ZNF827: variants seen among roughly 807,000 people sequenced by gnomAD.
ZNF827 encodes the protein zinc finger protein 827.
In ZNF827, 13 loss-of-function variants were observed where a neutral mutation model predicts 102.4. The observed-to-expected ratio is 0.13, with a 90% CI of 0.08 to 0.20. The LOEUF is 0.20. Among genes scored for constraint, ZNF827 ranks in the 10% least tolerant of loss-of-function variants. The pLI, the probability that ZNF827 is intolerant of heterozygous loss-of-function variation, is 1.00. For missense variants in ZNF827, 1,103 were observed against 1,344.4 expected (o/e 0.82, Z 2.81); for synonymous variants, 523 against 536.2 (o/e 0.98, Z 0.34).
chr4:145,892,108 A>T, intron 3 of ZNF827, 135 bp downstream of exon 3: 1 of 750,572 alleles, frequency 1.3e-6, no homozygotes, highest in Non-Finnish European at 2.0e-6. Context: ...CTACCTTGCT[A>T]CGTGGAGTAC....
intron 8 of ZNF827, among the ~76,000 whole-genome samples, chr4:145,811,901 T>G (rs1435974816): frequency 6.6e-6 from 1 of 151,686 alleles, no homozygotes; most frequent in Non-Finnish European, 1.5e-5. Flanking sequence ...AAAAAAATTC[T>G]ACTTGAACTA....
chr4:145,789,184 C>T (rs1285043807), intron 8 of ZNF827, among the ~76,000 whole-genome samples: 2 of 152,002 alleles, frequency 1.3e-5, no homozygotes, highest in East Asian at 1.9e-4. Context: ...GGTGGGTCCT[C>T]GATATTTTCC....
At chr4:145,766,712 G>A (rs966606589) in intron 11 of ZNF827, among the ~76,000 whole-genome samples, 1 of 152,208 alleles carries the variant, frequency 6.6e-6, no homozygotes, top group African/African-American at 2.4e-5. Context: ...CCCATAGTTG[G>A]AGGGGGAAAA....
chr4:145,876,831 C>T (rs1749187977), intron 4 of ZNF827: 1 of 152,150 alleles, frequency 6.6e-6, no homozygotes, highest in South Asian at 2.1e-4. Flanking sequence ...GAAGCAAAAG[C>T]TTATACTCTT....
chr4:145,851,475 G>A (rs868527875), intron 5 of ZNF827, among the ~76,000 whole-genome samples: 2 of 152,024 alleles, frequency 1.3e-5, no homozygotes, highest in African/African-American at 4.8e-5. Flanking sequence ...ATGGGTGAAC[G>A]TCAAATACAC....
intron 4 of ZNF827, among the ~76,000 whole-genome samples, chr4:145,883,451 C>T (rs1450530000): frequency 6.6e-6 from 1 of 152,154 alleles, no homozygotes; most frequent in Non-Finnish European, 1.5e-5. Context: ...CGCAATTCTT[C>T]CCCCCAACCT....
At chr4:145,826,212 T>C (rs1310993200) in intron 7 of ZNF827, among the ~76,000 whole-genome samples, 1 of 152,218 alleles carries the variant, frequency 6.6e-6, no homozygotes, top group Non-Finnish European at 1.5e-5. Context: ...TAAGGGACCT[T>C]TGGACAATCA....
intron 8 of ZNF827, among the ~76,000 whole-genome samples, chr4:145,793,801 A>C (rs892951145): frequency 3.3e-5 from 5 of 152,094 alleles, no homozygotes; most frequent in African/African-American, 1.2e-4. Context: ...GTCTTTGGAG[A>C]CCTTCCCTCA....
chr4:145,906,469 A>G (rs930627869), intron 1 of ZNF827, among the ~76,000 whole-genome samples: 1 of 152,202 alleles, frequency 6.6e-6, no homozygotes, highest in Admixed American at 6.5e-5. Flanking sequence ...TAAAGAATTT[A>G]GCACTTCTAC....
At chr4:145,783,077 TATATATATATTCTGCATATAAAGCA>T (rs2127003743) in intron 8 of ZNF827, among the ~76,000 whole-genome samples, 1 of 152,132 alleles carries the variant, frequency 6.6e-6, no homozygotes, top group South Asian at 2.1e-4. Context: ...ATAAGCCATA[TATATATATATTCTGCATATAAAGCA>T]CCCAGCATAG....
intron 7 of ZNF827, among the ~76,000 whole-genome samples, chr4:145,828,416 G>T (rs959971882): frequency 1.3e-5 from 2 of 152,118 alleles, no homozygotes; most frequent in African/African-American, 4.8e-5. Flanking sequence ...CAGCTAATGG[G>T]GAGGGAATCA....
chr4:145,865,413 T>C (rs1748096645), intron 5 of ZNF827, among the ~76,000 whole-genome samples: 1 of 152,214 alleles, frequency 6.6e-6, no homozygotes, highest in African/African-American at 2.4e-5. Flanking sequence ...AATTAACCAC[T>C]TCCTCAGCAC....
chr4:145,936,272 G>A (rs1754163637), intron 1 of ZNF827, among the ~76,000 whole-genome samples: 1 of 151,950 alleles, frequency 6.6e-6, no homozygotes, highest in African/African-American at 2.4e-5. Flanking sequence ...GTGAATCGCA[G>A]CGCGGAGCCT....
intron 3 of ZNF827, among the ~76,000 whole-genome samples, chr4:145,888,896 A>C (rs368164993): frequency 1.3e-4 from 20 of 152,340 alleles, no homozygotes; most frequent in African/African-American, 4.6e-4. Flanking sequence ...AAACATTTGC[A>C]CGATATATTA....
chr4:145,804,553 C>T (rs533611493), intron 8 of ZNF827, among the ~76,000 whole-genome samples: 25 of 152,274 alleles, frequency 1.6e-4, no homozygotes, highest in Non-Finnish European at 2.6e-4. Context: ...TCAGATATTA[C>T]GAGTAACAAA....
intron 11 of ZNF827, among the ~76,000 whole-genome samples, chr4:145,766,321 C>T (rs1055932967): frequency 7.9e-5 from 12 of 152,176 alleles, no homozygotes; most frequent in Non-Finnish European, 8.8e-5. Flanking sequence ...CTCAAGAGAG[C>T]GCGTCAGGGA....
At chr4:145,819,302 G>GT (rs1742912114) in intron 8 of ZNF827, among the ~76,000 whole-genome samples, 1 of 152,094 alleles carries the variant, frequency 6.6e-6, no homozygotes, top group Non-Finnish European at 1.5e-5. Context: ...TTGTGTTTTT[G>GT]TTTTTTGGCT....
At chr4:145,775,278 G>A (rs1252513639) in intron 10 of ZNF827, among the ~76,000 whole-genome samples, 2 of 152,128 alleles carry the variant, frequency 1.3e-5, no homozygotes, top group Non-Finnish European at 1.5e-5. Context: ...AAACTTGGGG[G>A]TTTTATGGCA....
rs552972797 is a variant in ZNF827 at position 145,774,694 on chromosome 4, AAG to A, written c.2694-24_2694-23del. 4.5e-4 allele frequency: 719 copies of A among 1,608,124 alleles called. 1 individual carries two copies. The highest frequency in any genetic ancestry group is 8.3e-4 in the Middle Eastern group (5 of 6,052). On this transcript the variant is annotated intron_variant, in intron 10 of 14. Transcript: ENST00000508784. Reference sequence around the variant, plus strand: ...ACAACTACATGAAAGGGTAAAAGAAAAGAGGGGGAGAGAAAAGGGTGACACAT... The same window carrying A: ...ACAACTACATGAAAGGGTAAAAGAAAAGGGGGAGAGAAAAGGGTGACACAT...
Sources: allele counts gnomAD v4.1 joint callset (sites outside exome capture counted in the v4.1 genomes callset), GRCh38; gene constraint gnomAD v4.1.1; transcripts MANE v1.5; gene names NCBI Gene and HGNC (gene_info 2026-07-23, HGNC 2026-07-21).